Variants in SPAG16 observed in about 807,000 individuals in gnomAD.
The protein encoded by SPAG16 is sperm-associated antigen 16 protein.
Under a neutral mutation model 80.4 loss-of-function variants are expected in SPAG16, and 86 were observed. That is an observed-to-expected ratio of 1.07 (90% CI 0.90 to 1.28). The LOEUF (loss-of-function observed/expected upper bound fraction) is 1.28, where lower values mean the gene tolerates loss of function less well. Among genes scored for constraint, SPAG16 ranks in the 50% most tolerant of loss-of-function variants. The pLI, the probability that SPAG16 is intolerant of heterozygous loss-of-function variation, is 0.00. For synonymous variants in SPAG16, 294 were observed against 265.9 expected, an observed-to-expected ratio of 1.11 and a Z score of -1.03; for missense variants, 870 against 765.3, an observed-to-expected ratio of 1.14 and a Z score of -1.61.
In SPAG16 at chr2:213,963,873, T is replaced by C. The variant is rs117787855; in HGVS notation, c.1400+33728T>C. 7.5e-3 allele frequency among the ~76,000 whole-genome samples: 1,135 copies of C among 152,278 alleles called. 25 individuals are homozygous for C. The highest frequency in any genetic ancestry group is 0.047 in the East Asian group (244 of 5,188). On this transcript the variant is annotated intron_variant, in intron 12 of 15. Transcript: ENST00000331683. ...TCTTATGCTTACTGTTACTGTTTAA[T>C]GGTGTTTCCTTTCCCTATTCTTTTC...
chr2:214,249,211 A>G (rs897028186), intron 15 of SPAG16, among the ~76,000 whole-genome samples: 4 of 152,194 alleles, frequency 2.6e-5, no homozygotes, highest in Non-Finnish European at 5.9e-5. Context: ...ATTCAGACAG[A>G]TTGCCCACAA....
intron 9 of SPAG16, among the ~76,000 whole-genome samples, chr2:213,434,721 A>G (rs1428924187): frequency 3.3e-5 from 5 of 152,256 alleles, no homozygotes; most frequent in Admixed American, 3.3e-4. Context: ...ATTACTAATC[A>G]TCAGGGAACT....
chr2:213,828,745 G>T (rs370905800), intron 10 of SPAG16, among the ~76,000 whole-genome samples: 2 of 152,200 alleles, frequency 1.3e-5, no homozygotes, highest in East Asian at 1.9e-4. Flanking sequence ...CTGCATTAGG[G>T]AGTACCCAAA....
At chr2:214,261,526 G>T (rs1027256974) in intron 15 of SPAG16, among the ~76,000 whole-genome samples, 1 of 152,148 alleles carries the variant, frequency 6.6e-6, no homozygotes, top group African/African-American at 2.4e-5. Flanking sequence ...AGGAAGTAAA[G>T]TTATAAGTTT....
At chr2:213,525,010 C>T (rs2075833446) in intron 10 of SPAG16, among the ~76,000 whole-genome samples, 1 of 152,014 alleles carries the variant, frequency 6.6e-6, no homozygotes, top group East Asian at 1.9e-4. Flanking sequence ...AATTGCAGTT[C>T]CCATAATCCC....
chr2:214,102,895 A>C (rs1240803616), intron 13 of SPAG16, among the ~76,000 whole-genome samples: 3 of 152,168 alleles, frequency 2.0e-5, no homozygotes, highest in Admixed American at 2.0e-4. Flanking sequence ...TGAAGGATCA[A>C]GGGAGAAAAG....
intron 13 of SPAG16, among the ~76,000 whole-genome samples, chr2:214,030,349 A>G (rs1323810899): frequency 1.3e-5 from 2 of 152,154 alleles, no homozygotes; most frequent in South Asian, 2.1e-4. Flanking sequence ...TGTATATACC[A>G]TATGATCCAG....
chr2:213,774,004 T>A (rs187745197), intron 10 of SPAG16, among the ~76,000 whole-genome samples: 1 of 152,360 alleles, frequency 6.6e-6, no homozygotes, highest in East Asian at 1.9e-4. Context: ...TCATTGCTCT[T>A]TTAGAATCCT....
chr2:214,383,587 GAA>G (rs112485531), intron 15 of SPAG16, among the ~76,000 whole-genome samples: 1 of 145,344 alleles, frequency 6.9e-6, no homozygotes, highest in South Asian at 2.2e-4. Context: ...AAAGAAAAAA[GAA>G]AAAAAAAGAC....
At chr2:214,294,713 G>A (rs1694017156) in intron 15 of SPAG16, among the ~76,000 whole-genome samples, 1 of 152,170 alleles carries the variant, frequency 6.6e-6, no homozygotes, top group African/African-American at 2.4e-5. Context: ...TCTGATATTT[G>A]ACTATGTATA....
chr2:214,118,734 G>C (rs1303694199), intron 14 of SPAG16, among the ~76,000 whole-genome samples: 4 of 152,040 alleles, frequency 2.6e-5, no homozygotes, highest in African/African-American at 9.7e-5. Flanking sequence ...CAATTCAAGA[G>C]GAAATTGAGA....
chr2:213,879,640 C>T lies in SPAG16; in HGVS notation c.1214+17012C>T, dbSNP rs558771854. ...TCAAACCATGACCTTCTCCCTCCCT[C>T]CCCCTCCTTGTAGTCTGCCATGTCT... is the stretch of plus-strand genomic sequence containing the variant. On this transcript the variant is annotated intron_variant, in intron 11 of 15. Coordinates refer to ENST00000331683, the MANE Select transcript of SPAG16 (RefSeq NM_024532.5). Among the ~76,000 whole-genome samples, 37 of 152,150 alleles carry T rather than the reference C, an allele frequency of 2.4e-4. 1 individual carries two copies. In the South Asian group the frequency reaches 7.5e-3, roughly 31 times the overall value.
intron 11 of SPAG16, among the ~76,000 whole-genome samples, chr2:213,881,348 T>C (rs76663822): frequency 0.016 from 2,485 of 152,312 alleles, 33 homozygotes; most frequent in Non-Finnish European, 0.024. Flanking sequence ...GTTTTATCTA[T>C]CAGTTCTAGC....
chr2:213,284,605 C>G lies in SPAG16; in HGVS notation c.122C>G (p.Ala41Gly). 1 of 1,609,580 alleles carries G rather than the reference C, an allele frequency of 6.2e-7. No individual in the cohort carries two copies. The highest frequency in any genetic ancestry group is 8.5e-7 in the Non-Finnish European group (1 of 1,178,820). ...GCGGACGCGGTGGCGGCTGAGGGCGCCTACTACCTGGAACGTATCCTTCCC... is the reference window on the plus strand; with the variant it reads ...GCGGACGCGGTGGCGGCTGAGGGCGGCTACTACCTGGAACGTATCCTTCCC... Reference protein sequence around the residue: ...DTADAVAAEGAYYLEQVTITE... With the variant: ...DTADAVAAEGGYYLEQVTITE... Residue 41 changes from alanine (A) to glycine (G), a missense_variant, in exon 1 of 16, where the codon GCC becomes GGC. Transcript: ENST00000331683.
chr2:214,225,054 CATTT>C (rs2058670097), intron 15 of SPAG16, among the ~76,000 whole-genome samples: 2 of 152,260 alleles, frequency 1.3e-5, no homozygotes, highest in Middle Eastern at 3.4e-3. Flanking sequence ...AATAAGGTAA[CATTT>C]AAGCCATGCA....
chr2:213,573,645 T>A (rs2060008814), intron 10 of SPAG16, among the ~76,000 whole-genome samples: 1 of 152,244 alleles, frequency 6.6e-6, no homozygotes, highest in Non-Finnish European at 1.5e-5. Flanking sequence ...ATTTTGTATA[T>A]ATTTTTATAC....
rs575597069 is a variant in SPAG16 at position 214,044,115 on chromosome 2, A to G, written c.1527+30038A>G. On this transcript the variant is annotated intron_variant, in intron 13 of 15. Coordinates refer to ENST00000331683, the MANE Select transcript of SPAG16 (RefSeq NM_024532.5). Reference sequence around the variant, plus strand: ...GTCTTGTTTTCTCTGTTTCTTTTATATTTCATGTCAACATTTTCTTGTTGT... The same window carrying G: ...GTCTTGTTTTCTCTGTTTCTTTTATGTTTCATGTCAACATTTTCTTGTTGT... Among the ~76,000 whole-genome samples, 18 of 152,128 alleles carry G rather than the reference A, an allele frequency of 1.2e-4. No homozygotes were observed. In the South Asian group the frequency reaches 3.7e-3, roughly 32 times the overall value.
chr2:213,320,389 T>G (rs2063566124), intron 5 of SPAG16, among the ~76,000 whole-genome samples: 1 of 151,982 alleles, frequency 6.6e-6, no homozygotes, highest in Admixed American at 6.6e-5. Context: ...ACCTCAAACA[T>G]TTATGATTTT....
chr2:214,213,931 T>C (rs1482897397), intron 15 of SPAG16, among the ~76,000 whole-genome samples: 4 of 152,146 alleles, frequency 2.6e-5, no homozygotes, highest in African/African-American at 9.7e-5. Flanking sequence ...TGTTTATAAA[T>C]TTGAAATTTT....
Sources: gnomAD v4.1 joint callset for allele counts (sites outside exome capture counted in the v4.1 genomes callset) on GRCh38, gnomAD v4.1.1 for gene constraint, MANE v1.5 for transcripts, NCBI Gene and HGNC (gene_info 2026-07-23, HGNC 2026-07-21) for gene names.